USP25: variants seen among roughly 807,000 people sequenced by gnomAD.
USP25 encodes the protein ubiquitin specific peptidase 25.
In USP25, 85 loss-of-function variants were observed where a neutral mutation model predicts 158.5. The ratio of observed to expected loss-of-function variants is 0.54; its 90% CI spans 0.45 to 0.64. The LOEUF (loss-of-function observed/expected upper bound fraction) is 0.64. USP25 is among the 30% of genes least tolerant of loss of function. The pLI, the probability that USP25 is intolerant of heterozygous loss-of-function variation, is 0.00. For synonymous variants in USP25, 464 were observed against 460.4 expected, an observed-to-expected ratio of 1.01 and a Z score of -0.10; for missense variants, 1,242 against 1,327.3, an observed-to-expected ratio of 0.94 and a Z score of 1.00.
intron 9 of USP25, among the ~76,000 whole-genome samples, chr21:15,814,923 A>G (rs1361404636): frequency 6.6e-6 from 1 of 152,176 alleles, no homozygotes; most frequent in Non-Finnish European, 1.5e-5. Flanking sequence ...AATAGGGAAA[A>G]TGTCTCCAGG....
At chr21:15,734,532 G>C (rs919255445) in intron 1 of USP25, among the ~76,000 whole-genome samples, 10 of 151,838 alleles carry the variant, frequency 6.6e-5, no homozygotes, top group Non-Finnish European at 1.5e-4. Flanking sequence ...GACTCACATT[G>C]TATCCAGTCT....
chr21:15,753,717 A>G (rs200729017), intron 1 of USP25, among the ~76,000 whole-genome samples: 1 of 151,132 alleles, frequency 6.6e-6, no homozygotes, highest in East Asian at 1.9e-4. Context: ...AAAAAAAAAA[A>G]GGCTTCTCTT....
intron 1 of USP25, among the ~76,000 whole-genome samples, chr21:15,736,976 T>G (rs189945234): frequency 1.1e-4 from 17 of 152,230 alleles, no homozygotes; most frequent in African/African-American, 3.6e-4. Context: ...TACTCTTTGT[T>G]TTTAAGAGTT....
chr21:15,784,616 T>A (rs1055275072), intron 4 of USP25, among the ~76,000 whole-genome samples: 2 of 151,860 alleles, frequency 1.3e-5, no homozygotes, highest in Non-Finnish European at 2.9e-5. Flanking sequence ...ATCAAAACAC[T>A]AATCATGGTG....
chr21:15,862,041 GC>G (rs1249342075), intron 20 of USP25, among the ~76,000 whole-genome samples: 1 of 152,020 alleles, frequency 6.6e-6, no homozygotes, highest in Non-Finnish European at 1.5e-5. Flanking sequence ...TATTAAAACA[GC>G]TTCTATTTTG....
chr21:15,761,138 C>T (rs1000792492), intron 1 of USP25, among the ~76,000 whole-genome samples: 2 of 152,164 alleles, frequency 1.3e-5, no homozygotes, highest in African/African-American at 4.8e-5. Context: ...GATTAGATTT[C>T]GGTTGTGCAT....
chr21:15,777,863 G>A (rs1440794586), intron 3 of USP25, 41 bp from the exon 4 acceptor site: 2 of 1,544,428 alleles, frequency 1.3e-6, no homozygotes, highest in African/African-American at 1.4e-5. Flanking sequence ...CTTTCATTTT[G>A]TTTTACTTTT....
At chr21:15,862,641 G>C (rs1231724323) in intron 20 of USP25, among the ~76,000 whole-genome samples, 1 of 141,478 alleles carries the variant, frequency 7.1e-6, no homozygotes, top group Non-Finnish European at 1.5e-5. Context: ...GCTTATGTGT[G>C]CTACCTAGGC....
At chr21:15,769,478 A>G (rs150945105) in intron 3 of USP25, among the ~76,000 whole-genome samples, 60 of 152,306 alleles carry the variant, frequency 3.9e-4, no homozygotes, top group African/African-American at 1.4e-3. Context: ...ACCTCTGTTC[A>G]GATCAGATCA....
At chr21:15,870,975 G>C (rs901956637) in intron 23 of USP25, among the ~76,000 whole-genome samples, 1 of 152,170 alleles carries the variant, frequency 6.6e-6, no homozygotes, top group African/African-American at 2.4e-5. Flanking sequence ...TCAGTTCATC[G>C]GTTACACCGG....
Position 15,826,234 on chromosome 21 carries a change from A to G in USP25, c.1335A>G (p.Arg445=), listed in dbSNP as rs1374161932. 6.2e-7 allele frequency: 1 copy of G among 1,614,028 alleles called. No homozygotes were observed. Among genetic ancestry groups the G allele is most frequent in the Non-Finnish European group, 8.5e-7 (1 of 1,179,934 alleles). The change falls in exon 13 of 26, where the codon CGA becomes CGG. Residue 445 remains arginine, a synonymous_variant. Transcript: ENST00000400183. The surrounding 1 kb of genome is among the most constrained non-coding windows in gnomAD (Gnocchi z 4.8). ...TAAGCTATGGTTCCGGTCCCAAACG[A>G]TTCCCCTTGGTAGATGTTCTTCAGT... is the stretch of plus-strand genomic sequence containing the variant. ...RYLSYGSGPK[R]FPLVDVLQYA...
intron 1 of USP25, among the ~76,000 whole-genome samples, chr21:15,735,236 C>T (rs1308257323): frequency 2.0e-5 from 3 of 152,042 alleles, no homozygotes; most frequent in Admixed American, 1.3e-4. Flanking sequence ...AATTGGCCTT[C>T]TGTATCCACA....
At chr21:15,736,778 T>C (rs1341123242) in intron 1 of USP25, among the ~76,000 whole-genome samples, 4 of 152,100 alleles carry the variant, frequency 2.6e-5, no homozygotes, top group African/African-American at 9.7e-5. Flanking sequence ...AATATAGAAT[T>C]GTAATTCTAG....
At chr21:15,744,899 T>G (rs2032403008) in intron 1 of USP25, 1 of 152,388 alleles carries the variant, frequency 6.6e-6, no homozygotes. Context: ...GGTCTGCCGC[T>G]TTTGAATGAA....
chr21:15,799,997 C>A (rs1330472259), intron 6 of USP25, among the ~76,000 whole-genome samples, 154 bp downstream of exon 6: 1 of 151,088 alleles, frequency 6.6e-6, no homozygotes, highest in African/African-American at 2.4e-5. Flanking sequence ...AGTTCTTATC[C>A]TTTGTTAATA....
chr21:15,842,594 C>T, intron 18 of USP25, 54 bp downstream of exon 18: 1 of 1,596,282 alleles, frequency 6.3e-7, no homozygotes, highest in Non-Finnish European at 8.5e-7. Flanking sequence ...GACATTTCCT[C>T]CAGTATAGTG....
intron 1 of USP25, among the ~76,000 whole-genome samples, chr21:15,759,046 T>C (rs1600828402): frequency 6.6e-6 from 1 of 152,206 alleles, no homozygotes; most frequent in Non-Finnish European, 1.5e-5. Flanking sequence ...TGAGCCATGA[T>C]TGAATAATTT....
chr21:15,858,111 A>G (rs28417441), intron 20 of USP25, among the ~76,000 whole-genome samples: 4,146 of 152,142 alleles, frequency 0.027, 196 homozygotes, highest in African/African-American at 0.092. Flanking sequence ...TTTGTAATAC[A>G]CTTTCACATT....
intron 20 of USP25, among the ~76,000 whole-genome samples, chr21:15,855,912 A>C (rs2039114371): frequency 6.6e-6 from 1 of 152,138 alleles, no homozygotes; most frequent in Non-Finnish European, 1.5e-5. Context: ...GGCATCTTTT[A>C]CTCTAGGTCC....
Sources: allele counts gnomAD v4.1 joint callset (sites outside exome capture counted in the v4.1 genomes callset), GRCh38; gene constraint gnomAD v4.1.1; non-coding constraint Gnocchi (gnomAD v3.1); transcripts MANE v1.5; gene names NCBI Gene and HGNC (gene_info 2026-07-23, HGNC 2026-07-21).